The following DNM3 variants were observed in gnomAD, a reference collection of about 807,000 sequenced individuals.
The protein encoded by DNM3 is dynamin-3.
Under a neutral mutation model 101.6 loss-of-function variants are expected in DNM3, and 47 were observed. The observed-to-expected ratio is 0.46, with a 90% CI of 0.37 to 0.59. The LOEUF is 0.59. DNM3 is among the 20% of genes least tolerant of loss of function. The pLI, the probability that DNM3 is intolerant of heterozygous loss-of-function variation, is 0.00. For missense variants in DNM3, 849 were observed against 1,085.7 expected (o/e 0.78, Z 3.06); for synonymous variants, 385 against 387.9 (o/e 0.99, Z 0.09).
intron 11 of DNM3, 39 bp from the exon 12 acceptor site, chr1:172,081,793 A>G: frequency 2.0e-6 from 3 of 1,537,866 alleles, no homozygotes; most frequent in Non-Finnish European, 2.7e-6. Context: ...GAGAATTTTT[A>G]GATGGGTTTT....
intron 10 of DNM3, among the ~76,000 whole-genome samples, chr1:172,060,044 T>C (rs115842442): frequency 1.3e-5 from 2 of 152,186 alleles, no homozygotes; most frequent in Admixed American, 1.3e-4. Flanking sequence ...CATTCTTATA[T>C]ACCAACAATC....
intron 14 of DNM3, among the ~76,000 whole-genome samples, chr1:172,222,521 T>C (rs1457511680): frequency 6.6e-6 from 1 of 152,118 alleles, no homozygotes; most frequent in African/African-American, 2.4e-5. Flanking sequence ...CGAGGCTGAA[T>C]AAAGAGAAAG....
chr1:171,842,742 G>A (rs559758120), intron 1 of DNM3, among the ~76,000 whole-genome samples: 22 of 152,266 alleles, frequency 1.4e-4, no homozygotes, highest in Admixed American at 1.1e-3. Flanking sequence ...TTTTCCTCAT[G>A]ACTCTTAATA....
At chr1:171,913,307 T>C (rs377149235) in intron 1 of DNM3, among the ~76,000 whole-genome samples, 5 of 152,230 alleles carry the variant, frequency 3.3e-5, no homozygotes, top group African/African-American at 7.2e-5. Context: ...TTTCCTGCAA[T>C]TGAATTTGTA....
chr1:172,334,744 A>G (rs568418377), intron 17 of DNM3, among the ~76,000 whole-genome samples: 1 of 151,028 alleles, frequency 6.6e-6, no homozygotes, highest in South Asian at 2.1e-4. Flanking sequence ...CTTAGGAAGT[A>G]TGATAATAAC....
At chr1:171,978,892 G>A (rs2044577917) in intron 2 of DNM3, among the ~76,000 whole-genome samples, 1 of 152,158 alleles carries the variant, frequency 6.6e-6, no homozygotes, top group Non-Finnish European at 1.5e-5. Flanking sequence ...TGTCAGTTAA[G>A]CATTAGAATT....
At chr1:172,330,652 C>T (rs983451160) in intron 17 of DNM3, among the ~76,000 whole-genome samples, 2 of 151,820 alleles carry the variant, frequency 1.3e-5, no homozygotes, top group East Asian at 1.9e-4. Context: ...TATGTGATAA[C>T]CATCCTTTGT....
chr1:172,379,375 A>G (rs2068771677), intron 18 of DNM3, among the ~76,000 whole-genome samples, 193 bp downstream of exon 18: 1 of 152,042 alleles, frequency 6.6e-6, no homozygotes, highest in African/African-American at 2.4e-5. Context: ...TAAAACTTCT[A>G]GCTATAGGAC....
At chr1:172,090,071 G>A (rs2053804005) in intron 12 of DNM3, among the ~76,000 whole-genome samples, 1 of 152,110 alleles carries the variant, frequency 6.6e-6, no homozygotes, top group East Asian at 1.9e-4. Flanking sequence ...TCCCTTAAGT[G>A]ATTTGAAGGG....
chr1:172,288,748 C>CT (rs2063792477), intron 15 of DNM3, among the ~76,000 whole-genome samples: 1 of 152,096 alleles, frequency 6.6e-6, no homozygotes, highest in Non-Finnish European at 1.5e-5. Flanking sequence ...CTGCCATTTA[C>CT]TAGTAGGAGG....
rs901837491 is a variant in DNM3, at chr1:171,921,738, C to CT, written c.162-3dup. On this transcript the variant is annotated splice_polypyrimidine_tract_variant and intron_variant, in intron 1 of 20. Coordinates refer to ENST00000627582, the MANE Select transcript of DNM3 (RefSeq NM_015569.5). ...TTCATGCCTTAATCTGTATTTCTTA[C>CT]TTTTTTTAGGGACTTTCTCCCTCGA... is the stretch of plus-strand genomic sequence containing the variant. The CT allele has an allele frequency of 5.7e-6, 9 of 1,572,992 alleles. No homozygotes were observed. The highest frequency in any genetic ancestry group is 2.3e-5 in the East Asian group (1 of 43,384).
chr1:172,251,472 A>G (rs932486182), intron 14 of DNM3, among the ~76,000 whole-genome samples: 1 of 152,082 alleles, frequency 6.6e-6, no homozygotes, highest in Admixed American at 6.6e-5. Context: ...GTCAGTCTTC[A>G]AAGTTTTGAT....
chr1:172,322,225 A>G (rs978198939), intron 16 of DNM3, among the ~76,000 whole-genome samples: 2 of 152,070 alleles, frequency 1.3e-5, no homozygotes, highest in Non-Finnish European at 1.5e-5. Context: ...TCAACTTAAA[A>G]CTAAATGCCA....
chr1:171,984,058 G>A (rs949630163), intron 2 of DNM3, among the ~76,000 whole-genome samples: 3 of 151,870 alleles, frequency 2.0e-5, no homozygotes, highest in Non-Finnish European at 4.4e-5. Context: ...CTCTCATATC[G>A]CAGCTTAAAT....
chr1:172,081,363 T>C (rs896567336), intron 11 of DNM3, among the ~76,000 whole-genome samples: 1 of 152,202 alleles, frequency 6.6e-6, no homozygotes, highest in African/African-American at 2.4e-5. Flanking sequence ...GAGATGGTTC[T>C]TTAAGCTGCT....
chr1:171,980,919 TG>T (rs1376688788), intron 2 of DNM3, among the ~76,000 whole-genome samples: 3 of 151,888 alleles, frequency 2.0e-5, no homozygotes, highest in Non-Finnish European at 4.4e-5. Flanking sequence ...AACAGGCACC[TG>T]CTATCACACC....
At position 171,990,091 on chromosome 1, in the gene DNM3, T is replaced by G. The variant is rs116823157; in HGVS notation, c.589+943T>G. On this transcript the variant is annotated intron_variant, in intron 4 of 20. Coordinates refer to ENST00000627582, the MANE Select transcript of DNM3 (RefSeq NM_015569.5). ...ACTTTGTGAATCTTATTTTTATTTT[T>G]TAAAATAGCATCATGTTCTTGTTTT... Among the ~76,000 whole-genome samples, 822 of 152,306 alleles carry G rather than the reference T, an allele frequency of 5.4e-3. 13 individuals carry two copies. Among genetic ancestry groups the G allele is most frequent in the African/African-American group, 0.019 (777 of 41,572 alleles).
At chr1:172,182,864 A>G (rs1222803198) in intron 14 of DNM3, among the ~76,000 whole-genome samples, 8 of 152,176 alleles carry the variant, frequency 5.3e-5, no homozygotes, top group East Asian at 1.9e-4. Flanking sequence ...GGTGACTTCA[A>G]TATGAGAATA....
At chr1:172,217,348 C>T (rs980548581) in intron 14 of DNM3, among the ~76,000 whole-genome samples, 2 of 152,104 alleles carry the variant, frequency 1.3e-5, no homozygotes, top group Admixed American at 6.6e-5. Flanking sequence ...CAACATGGTT[C>T]GTGGAAAGCC....
Sources: allele counts gnomAD v4.1 joint callset (sites outside exome capture counted in the v4.1 genomes callset), GRCh38; gene constraint gnomAD v4.1.1; transcripts MANE v1.5; gene names NCBI Gene and HGNC (gene_info 2026-07-23, HGNC 2026-07-21).